Variants in RAB11FIP4 observed in about 807,000 individuals in gnomAD.
RAB11FIP4 encodes the protein rab11 family-interacting protein 4.
Under a neutral mutation model 74.3 loss-of-function variants are expected in RAB11FIP4, and 23 were observed. That is an observed-to-expected ratio of 0.31 (90% confidence interval 0.22 to 0.44). The LOEUF (loss-of-function observed/expected upper bound fraction) is 0.44, where lower values mean the gene tolerates loss of function less well. Ranked by LOEUF, RAB11FIP4 falls within the 20% of genes least tolerant of loss-of-function variation. The probability of loss-of-function intolerance (pLI) is 1.00; values close to 1 mark genes in which losing one functional copy is unlikely to be tolerated. For synonymous variants in RAB11FIP4, 360 were observed against 359.9 expected (o/e 1.00, Z 0.00); for missense variants, 630 against 863.9 (o/e 0.73, Z 3.39).
intron 3 of RAB11FIP4, among the ~76,000 whole-genome samples, chr17:31,484,356 C>G (rs1261397249): frequency 6.6e-6 from 1 of 151,680 alleles, no homozygotes; most frequent in Non-Finnish European, 1.5e-5. Flanking sequence ...CAGGAGTGAG[C>G]CACTGCGCCG....
chr17:31,471,870 CAG>C (rs1300372835), intron 3 of RAB11FIP4, among the ~76,000 whole-genome samples: 2 of 152,092 alleles, frequency 1.3e-5, no homozygotes, highest in Non-Finnish European at 2.9e-5. Context: ...CCCTCAAATG[CAG>C]AGTCACGGGG....
At chr17:31,515,701 G>C (rs1227277900) in intron 3 of RAB11FIP4, among the ~76,000 whole-genome samples, 1 of 152,140 alleles carries the variant, frequency 6.6e-6, no homozygotes, top group Non-Finnish European at 1.5e-5. Flanking sequence ...CCTGGCTGAG[G>C]AGCACACCAA....
intron 3 of RAB11FIP4, among the ~76,000 whole-genome samples, chr17:31,484,385 T>TAA (rs1214587080): frequency 2.0e-5 from 3 of 149,376 alleles, no homozygotes; most frequent in African/African-American, 7.5e-5. Flanking sequence ...ATTGTCTCTT[T>TAA]AAAAAAAAAA....
At chr17:31,464,264 C>T (rs2071662791) in intron 3 of RAB11FIP4, among the ~76,000 whole-genome samples, 3 of 151,150 alleles carry the variant, frequency 2.0e-5, no homozygotes, top group South Asian at 4.2e-4. Context: ...TTGGCCATGC[C>T]GGCCAACAGT....
chr17:31,525,557 T>A (rs1425627505), intron 10 of RAB11FIP4: 1 of 313,944 alleles, frequency 3.2e-6, no homozygotes, highest in Non-Finnish European at 5.9e-6. Flanking sequence ...CCCTGACCCC[T>A]GGTGGACTGA....
At chr17:31,496,285 T>C (rs1056137803) in intron 3 of RAB11FIP4, among the ~76,000 whole-genome samples, 6 of 152,198 alleles carry the variant, frequency 3.9e-5, no homozygotes, top group Non-Finnish European at 8.8e-5. Context: ...TAGAGCGACC[T>C]CTCTGAGCCT....
intron 3 of RAB11FIP4, among the ~76,000 whole-genome samples, chr17:31,485,853 A>G (rs1945462503): frequency 6.6e-6 from 1 of 152,222 alleles, no homozygotes; most frequent in Non-Finnish European, 1.5e-5. Context: ...GACATCTGGG[A>G]AATAAGACTC....
At chr17:31,409,483 A>G (rs947931882) in intron 1 of RAB11FIP4, among the ~76,000 whole-genome samples, 1 of 152,144 alleles carries the variant, frequency 6.6e-6, no homozygotes, top group Non-Finnish European at 1.5e-5. Context: ...GTCCACCCAA[A>G]TCACAGAGAA....
chr17:31,436,184 G>A (rs1048266198), intron 3 of RAB11FIP4, among the ~76,000 whole-genome samples: 4 of 152,274 alleles, frequency 2.6e-5, no homozygotes, highest in Admixed American at 1.3e-4. Context: ...TCTCAACCCC[G>A]CTGAGCGTCA....
chr17:31,460,336 G>T (rs974602811), intron 3 of RAB11FIP4, among the ~76,000 whole-genome samples: 2 of 152,114 alleles, frequency 1.3e-5, no homozygotes, highest in Non-Finnish European at 2.9e-5. Context: ...TTAGAGCATG[G>T]ACGTCAAGAG....
Position 31,527,597 on chromosome 17 carries a change from A to C in RAB11FIP4, c.1275-245A>C, listed in dbSNP as rs527784492. 3.1e-4 allele frequency: 146 copies of C among 473,898 alleles called. No homozygotes were observed. In the Middle Eastern group the frequency reaches 3.9e-3, roughly 13 times the overall value. The allele number at this position is 473,898 out of a possible 1,614,324, so 29.4% of individuals were successfully genotyped here. A position where few individuals can be genotyped will look rare whatever the true frequency, so the allele number is the denominator to read the frequency against. ...CAACAGAGCAGGACTCTGTCTCAAAAAAAAAAGAAAGAAAATAAGAATGAT... is the reference window on the plus strand; with the variant it reads ...CAACAGAGCAGGACTCTGTCTCAAACAAAAAAGAAAGAAAATAAGAATGAT... On this transcript the variant is annotated intron_variant, in intron 10 of 14. Coordinates refer to ENST00000621161, the MANE Select transcript of RAB11FIP4 (RefSeq NM_032932.6).
At chr17:31,520,806 C>T (rs1350726184) in intron 4 of RAB11FIP4, 1 of 153,074 alleles carries the variant, frequency 6.5e-6, no homozygotes, top group Non-Finnish European at 1.5e-5. Context: ...GCGCCTGCCA[C>T]TACTACAAAT....
chr17:31,422,166 T>A (rs1193866165), intron 1 of RAB11FIP4, among the ~76,000 whole-genome samples: 2 of 152,132 alleles, frequency 1.3e-5, no homozygotes, highest in Non-Finnish European at 2.9e-5. Context: ...CAGAGTAAGA[T>A]CCTGCCTCCC....
chr17:31,472,230 AC>A (rs2071744453), intron 3 of RAB11FIP4, among the ~76,000 whole-genome samples: 1 of 151,514 alleles, frequency 6.6e-6, no homozygotes, highest in Non-Finnish European at 1.5e-5. Flanking sequence ...AGGTCCCCAG[AC>A]CTTGGCTGAG....
chr17:31,522,667 G>A (rs1477145385), intron 7 of RAB11FIP4: 2 of 533,022 alleles, frequency 3.8e-6, no homozygotes, highest in Non-Finnish European at 3.3e-6. Flanking sequence ...TGCCCTGAGA[G>A]AGACAGAGCA....
intron 6 of RAB11FIP4, 112 bp from the exon 7 acceptor site, chr17:31,522,248 T>C (rs2072681332): frequency 7.5e-7 from 1 of 1,328,894 alleles, no homozygotes; most frequent in Non-Finnish European, 1.1e-6. Flanking sequence ...GTGAATTCCT[T>C]TCAGTGGGAG....
rs138714059 is a variant in RAB11FIP4, at chr17:31,497,312, C to T, written c.337-20339C>T. On this transcript the variant is annotated intron_variant, in intron 3 of 14. Coordinates refer to ENST00000621161, the MANE Select transcript of RAB11FIP4 (RefSeq NM_032932.6). ...CCGGAAGGCAGAGCCTGCAGTGAGC[C>T]GAGATCATGCCACTGCACTCCAGCC... Among the ~76,000 whole-genome samples the T allele has an allele frequency of 9.8e-4, 149 of 152,084 alleles. 1 individual carries two copies. The highest frequency in any genetic ancestry group is 3.5e-3 in the African/African-American group (144 of 41,472).
At chr17:31,491,906 C>T (rs987667866) in intron 3 of RAB11FIP4, among the ~76,000 whole-genome samples, 4 of 152,220 alleles carry the variant, frequency 2.6e-5, no homozygotes, top group Non-Finnish European at 5.9e-5. Flanking sequence ...TGAGTTGGGT[C>T]AGACGAGCCT....
intron 3 of RAB11FIP4, among the ~76,000 whole-genome samples, chr17:31,505,467 TAA>T: frequency 4.0e-5 from 3 of 75,666 alleles, no homozygotes; most frequent in Admixed American, 2.2e-4. Flanking sequence ...TTATAACATA[TAA>T]TAATAATTAT....
Sources: allele counts gnomAD v4.1 joint callset (sites outside exome capture counted in the v4.1 genomes callset), GRCh38; gene constraint gnomAD v4.1.1; transcripts MANE v1.5; gene names NCBI Gene and HGNC (gene_info 2026-07-23, HGNC 2026-07-21).